The following APC variants were observed in gnomAD, a reference collection of about 807,000 sequenced individuals.
APC encodes the protein APC regulator of Wnt signaling pathway, also known as adenomatous polyposis coli protein.
In APC, 72 loss-of-function variants were observed where a neutral mutation model predicts 247.0. The observed-to-expected ratio is 0.29, with a 90% confidence interval of 0.24 to 0.35. The LOEUF is 0.35. APC is among the 10% of genes least tolerant of loss of function. The pLI, the probability that APC is intolerant of heterozygous loss-of-function variation, is 1.00. For missense variants in APC, 3,400 were observed against 3,360.7 expected (o/e 1.01, Z -0.29); for synonymous variants, 1,254 against 1,162.5 (o/e 1.08, Z -1.60).
chr5:112,731,887 G>A (rs916530132), intron 1 of APC, among the ~76,000 whole-genome samples: 2 of 152,046 alleles, frequency 1.3e-5, no homozygotes, highest in Admixed American at 6.5e-5. Context: ...TCAGCATCCC[G>A]AGTATCTGGG....
At chr5:112,738,826 A>G (rs1426185698) in intron 1 of APC, among the ~76,000 whole-genome samples, 2 of 152,254 alleles carry the variant, frequency 1.3e-5, no homozygotes, top group East Asian at 3.8e-4. Flanking sequence ...ATTGGAATGT[A>G]TTGGACACTT....
intron 15 of APC, 27 bp from the exon 16 acceptor site, chr5:112,837,526 T>C (rs760784795): frequency 1.3e-6 from 2 of 1,573,436 alleles, no homozygotes; most frequent in Non-Finnish European, 1.7e-6. Context: ...GTGACCTTAA[T>C]TTTGTGATCT....
intron 11 of APC, among the ~76,000 whole-genome samples, chr5:112,826,478 T>C (rs2149805677): frequency 6.6e-6 from 1 of 152,126 alleles, no homozygotes; most frequent in African/African-American, 2.4e-5. Context: ...TACTAAATCT[T>C]AGTATAGTTA....
chr5:112,738,085 A>G (rs1043308182), intron 1 of APC, among the ~76,000 whole-genome samples, 160 bp downstream of exon 1: 5 of 152,238 alleles, frequency 3.3e-5, no homozygotes, highest in African/African-American at 9.6e-5. Context: ...CCCCCACTGC[A>G]GCACTGGAGA....
chr5:112,761,819 A>G lies in APC; in HGVS notation c.136-4507A>G, dbSNP rs150076520. Among the ~76,000 whole-genome samples, 6 of 152,334 alleles carry G rather than the reference A, an allele frequency of 3.9e-5. No homozygotes were observed. In the East Asian group the frequency reaches 1.2e-3, roughly 29 times the overall value. ...AAGAAAACATAGGATAATCTTATCT[A>G]TGTGGCCTTGGGTGGGCAAAATTTC... is the stretch of plus-strand genomic sequence containing the variant. On this transcript the variant is annotated intron_variant, in intron 2 of 15. Transcript: ENST00000257430.
chr5:112,781,105 C>G lies in APC; in HGVS notation c.645+202C>G, dbSNP rs527672956. Among the ~76,000 whole-genome samples the G allele has an allele frequency of 2.0e-5, 3 of 152,272 alleles. No individual in the cohort carries two copies. The East Asian group carries it at 5.8e-4, about 29-fold the overall frequency. ...TTGTGTCTTTACCATATTCATTTCC[C>G]CTGGTACTGTTCTGTTCTGCCTTGG... is the stretch of plus-strand genomic sequence containing the variant. On this transcript the variant is annotated intron_variant, in intron 6 of 15. Transcript: ENST00000257430.
intron 4 of APC, among the ~76,000 whole-genome samples, chr5:112,775,352 A>G (rs1757502961): frequency 1.3e-5 from 2 of 152,134 alleles, no homozygotes; most frequent in Non-Finnish European, 2.9e-5. Context: ...TTCTTAGACT[A>G]TAAATATGAA....
At chr5:112,782,068 G>C (rs945987618) in intron 6 of APC, among the ~76,000 whole-genome samples, 9 of 152,190 alleles carry the variant, frequency 5.9e-5, no homozygotes, top group Non-Finnish European at 7.3e-5. Flanking sequence ...ACATACCCGA[G>C]ACTGGGCAGT....
intron 8 of APC, among the ~76,000 whole-genome samples, chr5:112,808,419 T>C (rs1370030550): frequency 6.6e-6 from 1 of 152,164 alleles, no homozygotes; most frequent in Non-Finnish European, 1.5e-5. Context: ...GAACTAAAGT[T>C]GTTTTTCTTT....
chr5:112,726,678 A>G (rs1006806717), intron 1 of APC, among the ~76,000 whole-genome samples: 1 of 152,090 alleles, frequency 6.6e-6, no homozygotes, highest in Non-Finnish European at 1.5e-5. Flanking sequence ...TCCTCTACCC[A>G]GTATTTCCCT....
rs876660680 is a variant in APC, at chr5:112,840,485, A to T, written c.4891A>T (p.Ser1631Cys). 8.7e-6 allele frequency: 14 copies of T among 1,614,070 alleles called. No homozygotes were observed. Among genetic ancestry groups the T allele is most frequent in the East Asian group, 4.5e-5 (2 of 44,894 alleles). Residue 1631 changes from serine to cysteine, a missense_variant, in exon 16 of 16, where the codon AGT becomes TGT. Ser to Cys is a moderately radical substitution (Grantham distance 112). This residue lies in a region of APC where 1,788 missense variants were observed against 1,649.5 expected (regional missense o/e 1.08). Coordinates refer to ENST00000257430, the MANE Select transcript of APC (RefSeq NM_000038.6). This position sits in a 1 kb window ranked among gnomAD's most constrained non-coding sequence, Gnocchi z 4.1. ...CAGGTTGCAACCCCAAAAGCATGTT[A>T]GTTTTACACCGGGGGATGATATGCC... ...QNRLQPQKHVSFTPGDDMPRV... is the reference protein window; with the variant it reads ...QNRLQPQKHVCFTPGDDMPRV...
chr5:112,800,575 A>G (rs1390776891), intron 7 of APC, among the ~76,000 whole-genome samples: 3 of 152,112 alleles, frequency 2.0e-5, no homozygotes, highest in African/African-American at 4.8e-5. Context: ...TTTTCCTAGA[A>G]CAAGCATATA....
In APC at chr5:112,842,129, A is replaced by G. The variant is rs376096304; in HGVS notation, c.6535A>G (p.Lys2179Glu). The change falls in exon 16 of 16, where the codon AAA becomes GAA. Residue 2179 changes from lysine to glutamate, a missense_variant. Around this residue, in one of 9 missense-constraint regions of APC, gnomAD observed 1,788 missense variants for 1,649.5 expected, o/e 1.08. Coordinates refer to ENST00000257430, the MANE Select transcript of APC (RefSeq NM_000038.6). ...AGGGGAGAAAAGTACATTGGAAACT[A>G]AAAAGATAGAATCTGAAAGTAAAGG... ...KPGEKSTLETKKIESESKGIK... is the reference protein window; with the variant it reads ...KPGEKSTLETEKIESESKGIK... 8 of 1,611,142 alleles carry G rather than the reference A, an allele frequency of 5.0e-6. No individual in the cohort carries two copies. The highest frequency in any genetic ancestry group is 5.9e-6 in the Non-Finnish European group (7 of 1,178,354).
rs1758239334 is a variant in APC at position 112,780,806 on chromosome 5, A to T, written c.548A>T (p.Asp183Val). ...TGGTTTTAGTTTTCCTTACAAACAG[A>T]TATGACCAGAAGGCAATTGGAATAT... ...PLTENFSLQT[D>V]MTRRQLEYEA... The change falls in exon 6 of 16, where the codon GAT becomes GTT. Residue 183 changes from aspartate (D) to valine (V), a missense_variant. This residue lies in a region of APC where 372 missense variants were observed against 367.6 expected (regional missense o/e 1.01). Coordinates refer to ENST00000257430, the MANE Select transcript of APC (RefSeq NM_000038.6). 6.2e-7 allele frequency: 1 copy of T among 1,611,700 alleles called. No homozygotes were observed. Among genetic ancestry groups the T allele is most frequent in the Admixed American group, 1.7e-5 (1 of 59,974 alleles).
chr5:112,767,724 G>A (rs1303523863), intron 4 of APC, among the ~76,000 whole-genome samples: 2 of 151,046 alleles, frequency 1.3e-5, no homozygotes, highest in Non-Finnish European at 3.0e-5. Flanking sequence ...TCCACCTCCT[G>A]GGTTCAAGCG....
At chr5:112,774,325 C>T (rs576221003) in intron 4 of APC, among the ~76,000 whole-genome samples, 3 of 152,116 alleles carry the variant, frequency 2.0e-5, no homozygotes, top group South Asian at 4.2e-4. Context: ...AAAGGAAATG[C>T]TAATTAGAGC....
chr5:112,780,969 C>G, intron 6 of APC, 66 bp downstream of exon 6: 2 of 1,049,532 alleles, frequency 1.9e-6, no homozygotes, highest in Non-Finnish European at 2.9e-6. Flanking sequence ...AATTACAGCT[C>G]TGTTAATATT....
At chr5:112,715,772 A>G (rs1751135729) in intron 1 of APC, among the ~76,000 whole-genome samples, 1 of 152,116 alleles carries the variant, frequency 6.6e-6, no homozygotes, top group African/African-American at 2.4e-5. Context: ...AGCGTTTATC[A>G]TTTCTTTGTG....
chr5:112,830,402 C>G (rs1401712153), intron 14 of APC, among the ~76,000 whole-genome samples: 1 of 152,068 alleles, frequency 6.6e-6, no homozygotes, highest in Non-Finnish European at 1.5e-5. Context: ...AAAAGATTGA[C>G]CATGCATTTT....
Sources: allele counts gnomAD v4.1 joint callset (sites outside exome capture counted in the v4.1 genomes callset), GRCh38; gene constraint gnomAD v4.1.1; regional missense constraint gnomAD v4.1.1; non-coding constraint Gnocchi (gnomAD v3.1); transcripts MANE v1.5; gene names NCBI Gene and HGNC (gene_info 2026-07-23, HGNC 2026-07-21).